Variants in MAP6 observed in about 807,000 individuals in gnomAD.
The protein encoded by MAP6 is microtubule-associated protein 6.
Under a neutral mutation model 42.4 loss-of-function variants are expected in MAP6, and 26 were observed. That is an observed-to-expected ratio of 0.61 (90% CI 0.45 to 0.85). The LOEUF is 0.85. Ranked by LOEUF, MAP6 falls within the 40% of genes least tolerant of loss-of-function variation. The pLI, the probability that MAP6 is intolerant of heterozygous loss-of-function variation, is 0.00. For synonymous variants in MAP6, 418 were observed against 443.8 expected (o/e 0.94, Z 0.73); for missense variants, 966 against 1,099.0 (o/e 0.88, Z 1.71).
At chr11:75,616,482 G>A (rs1202438826) in intron 1 of MAP6, among the ~76,000 whole-genome samples, 1 of 152,204 alleles carries the variant, frequency 6.6e-6, no homozygotes, top group African/African-American at 2.4e-5. Context: ...ATTGTAAAAT[G>A]TTTCTGAAGA....
chr11:75,667,755 TG>T lies in MAP6; in HGVS notation c.614del (p.Pro205GlnfsTer93). The T allele has an allele frequency of 7.7e-7, 1 of 1,304,910 alleles. No homozygotes were observed. The highest frequency in any genetic ancestry group is 9.7e-7 in the Non-Finnish European group (1 of 1,028,070). 80.8% of individuals were successfully genotyped at this position (1,304,910 alleles called of 1,614,324 possible). On this transcript the variant is annotated frameshift_variant, in exon 1 of 4. Coordinates refer to ENST00000304771, the MANE Select transcript of MAP6 (RefSeq NM_033063.2). LOFTEE classifies it high-confidence loss of function. This position sits in a 1 kb window ranked among gnomAD's most constrained non-coding sequence, Gnocchi z 5.6. ...KRRPQSQERWPVQAAAEAREQ... is the reference protein window; with the variant it reads ...KRRPQSQERWXVQAAAEAREQ... Reference sequence around the variant, plus strand: ...CCCGGGCCTCAGCGGCGGCCTGCACTGGCCAGCGCTCCTGGCTCTGCGGCCG... The same window carrying T: ...CCCGGGCCTCAGCGGCGGCCTGCACTGCCAGCGCTCCTGGCTCTGCGGCCG...
intron 3 of MAP6, chr11:75,605,567 C>A: frequency 7.7e-7 from 1 of 1,297,182 alleles, no homozygotes; most frequent in Non-Finnish European, 9.8e-7. Flanking sequence ...GCACAGCCAG[C>A]GGCAACGCTT....
rs2135708367 is a variant in MAP6 at position 75,667,810 on chromosome 11, G to A, written c.560C>T (p.Ser187Leu). The A allele has an allele frequency of 7.6e-7, 1 of 1,315,890 alleles. No homozygotes were observed. Among genetic ancestry groups the A allele is most frequent in the Non-Finnish European group, 9.7e-7 (1 of 1,032,178 alleles). The allele number at this position is 1,315,890 out of a possible 1,614,324, so 81.5% of individuals were successfully genotyped here. The change falls in exon 1 of 4, where the codon TCG (serine) becomes TTG (leucine). Residue 187 changes from serine (S) to leucine (L), a missense_variant. By Grantham distance (145) the Ser-to-Leu change is moderately radical. Transcript: ENST00000304771. The surrounding 1 kb of genome is among the most constrained non-coding windows in gnomAD (Gnocchi z 5.6). ...CTTGGGCGCCCCGAGAATGGGCGCC[G>A]ACGCCTGGGAGGCCGCAGAGATCTG... ...PVQISAASQA[S>L]APILGAPKRR...
chr11:75,588,753 C>T (rs867805165), intron 3 of MAP6, among the ~76,000 whole-genome samples: 28 of 152,238 alleles, frequency 1.8e-4, no homozygotes, highest in Non-Finnish European at 7.3e-5. Context: ...ATGCCCCTCT[C>T]TCCCTCTCCT....
intron 1 of MAP6, among the ~76,000 whole-genome samples, chr11:75,609,115 T>C (rs1004752230): frequency 2.6e-5 from 4 of 152,250 alleles, no homozygotes; most frequent in African/African-American, 4.8e-5. Context: ...GTCAGTTTTC[T>C]TGTTCTCTGC....
intron 1 of MAP6, among the ~76,000 whole-genome samples, chr11:75,622,053 CA>C (rs529674330): frequency 6.6e-6 from 1 of 151,400 alleles, no homozygotes; most frequent in Admixed American, 6.6e-5. Context: ...ACAACAACAA[CA>C]AAAAAACCCA....
chr11:75,627,780 G>C (rs528004652), intron 1 of MAP6, among the ~76,000 whole-genome samples: 1 of 152,070 alleles, frequency 6.6e-6, no homozygotes. Context: ...TCTTGACCTT[G>C]GACAGCAATA....
intron 3 of MAP6, among the ~76,000 whole-genome samples, chr11:75,601,114 A>G (rs555268216): frequency 6.6e-6 from 1 of 152,336 alleles, no homozygotes; most frequent in South Asian, 2.1e-4. Context: ...CGTGGGCAGC[A>G]CTGACAAAGC....
At chr11:75,654,397 G>A (rs1250001757) in intron 1 of MAP6, among the ~76,000 whole-genome samples, 3 of 152,024 alleles carry the variant, frequency 2.0e-5, no homozygotes, top group East Asian at 1.9e-4. Context: ...TTGACACACC[G>A]TACAGGTACA....
intron 3 of MAP6, chr11:75,604,005 G>A (rs1181019674): frequency 2.0e-6 from 2 of 985,548 alleles, no homozygotes; most frequent in African/African-American, 3.5e-5. Context: ...GCAAAGAGTT[G>A]GAATCAGTGC....
intron 2 of MAP6, chr11:75,607,404 C>T: frequency 1.0e-6 from 1 of 985,438 alleles, no homozygotes; most frequent in Middle Eastern, 5.2e-4. Context: ...GATTGCATGG[C>T]TTATATGATT....
intron 1 of MAP6, among the ~76,000 whole-genome samples, chr11:75,644,952 G>T (rs1342180556): frequency 6.6e-6 from 1 of 152,124 alleles, no homozygotes; most frequent in African/African-American, 2.4e-5. Context: ...AGCAGTAAAG[G>T]CAGCTAAAAG....
chr11:75,629,156 C>T (rs774618014), intron 1 of MAP6, among the ~76,000 whole-genome samples: 14 of 152,112 alleles, frequency 9.2e-5, no homozygotes, highest in Non-Finnish European at 1.6e-4. Context: ...GGTGCGATCT[C>T]GGCTCACTGC....
intron 3 of MAP6, chr11:75,603,395 A>G (rs1057325828): frequency 4.1e-6 from 4 of 985,708 alleles, no homozygotes; most frequent in Non-Finnish European, 4.8e-6. Flanking sequence ...AGACTGGCTG[A>G]GTTTTATTTG....
intron 1 of MAP6, among the ~76,000 whole-genome samples, chr11:75,621,270 G>C (rs1197508029): frequency 6.6e-6 from 1 of 152,014 alleles, no homozygotes; most frequent in East Asian, 1.9e-4. Flanking sequence ...GAGGCCAGGA[G>C]TTCAAGACCA....
In MAP6 at chr11:75,588,164, C is replaced by A; in HGVS notation, c.1337G>T (p.Ser446Ile). The change falls in exon 4 of 4, where the codon AGT (serine) becomes ATT (isoleucine). Residue 446 changes from serine (S) to isoleucine (I), a missense_variant. Transcript: ENST00000304771. Reference protein sequence around the residue: ...EAKESLAQPVSDSSKTQGPVA... With the variant: ...EAKESLAQPVIDSSKTQGPVA... ...AGGACCTTGAGTCTTACTTGAATCACTGACGGGTTGAGCCAGGCTCCTGCA... is the reference window on the plus strand; with the variant it reads ...AGGACCTTGAGTCTTACTTGAATCAATGACGGGTTGAGCCAGGCTCCTGCA... The A allele has an allele frequency of 6.2e-7, 1 of 1,612,634 alleles. No homozygotes were observed. The highest frequency in any genetic ancestry group is 8.5e-7 in the Non-Finnish European group (1 of 1,179,600).
At chr11:75,602,014 G>A (rs1942671876) in intron 3 of MAP6, among the ~76,000 whole-genome samples, 1 of 151,806 alleles carries the variant, frequency 6.6e-6, no homozygotes, top group African/African-American at 2.4e-5. Flanking sequence ...GGTTTCCCTA[G>A]TGCCCAGCAC....
intron 1 of MAP6, among the ~76,000 whole-genome samples, chr11:75,661,185 A>G (rs1312853718): frequency 6.6e-6 from 1 of 152,156 alleles, no homozygotes; most frequent in Non-Finnish European, 1.5e-5. Context: ...TAAGTGAATC[A>G]GTATTAAAGA....
Position 75,647,574 on chromosome 11 carries a change from A to C in MAP6, c.905+19891T>G, listed in dbSNP as rs182977765. On this transcript the variant is annotated intron_variant, in intron 1 of 3. Transcript: ENST00000304771. ...ACAACCAAGTAGAAATGATAACAGAAAAAAACTCATTCATAATAGCAACAA... is the reference window on the plus strand; with the variant it reads ...ACAACCAAGTAGAAATGATAACAGACAAAAACTCATTCATAATAGCAACAA... 1.2e-4 allele frequency among the ~76,000 whole-genome samples: 19 copies of C among 152,288 alleles called. No homozygotes were observed. The East Asian group carries it at 3.5e-3, about 28-fold the overall frequency.
Sources: gnomAD v4.1 joint callset for allele counts (sites outside exome capture counted in the v4.1 genomes callset) on GRCh38, gnomAD v4.1.1 for gene constraint, Gnocchi (gnomAD v3.1) non-coding constraint, MANE v1.5 for transcripts, NCBI Gene and HGNC (gene_info 2026-07-23, HGNC 2026-07-21) for gene names.